The following SMG9 variants were observed in gnomAD, a reference collection of about 807,000 sequenced individuals.
SMG9 encodes the protein SMG9 nonsense mediated mRNA decay factor, also known as nonsense-mediated mRNA decay factor SMG9.
Under a neutral mutation model 64.0 loss-of-function variants are expected in SMG9, and 55 were observed. The observed-to-expected ratio is 0.86, with a 90% CI of 0.69 to 1.08. The LOEUF is 1.08. SMG9 is among the 50% of genes least tolerant of loss of function. SMG9 has a pLI of 0.00. For synonymous variants in SMG9, 244 were observed against 254.8 expected (o/e 0.96, Z 0.41); for missense variants, 554 against 681.3 (o/e 0.81, Z 2.08).
At chr19:43,743,902 C>A (rs1968918509) in intron 6 of SMG9, among the ~76,000 whole-genome samples, 1 of 152,218 alleles carries the variant, frequency 6.6e-6, no homozygotes. Context: ...TACAAAAAAA[C>A]AGATCCCTGT....
chr19:43,733,221 A>C, intron 12 of SMG9, 103 bp downstream of exon 12: 1 of 1,512,836 alleles, frequency 6.6e-7, no homozygotes, highest in Non-Finnish European at 8.9e-7. Context: ...CACTGCTCCC[A>C]AACCAGGGCA....
chr19:43,738,268 G>A (rs1037488381), intron 7 of SMG9, 51 bp from the exon 8 acceptor site: 13 of 1,501,622 alleles, frequency 8.7e-6, no homozygotes, highest in East Asian at 2.3e-5. Flanking sequence ...AGTTTCACAC[G>A]CTCAAGGCAA....
At chr19:43,750,808 T>C (rs1969171752) in intron 1 of SMG9, 61 bp from the exon 2 acceptor site, 1 of 1,475,082 alleles carries the variant, frequency 6.8e-7, no homozygotes, top group South Asian at 1.3e-5. Context: ...ACTTGGCATA[T>C]CCTAGACTAT....
chr19:43,754,010 G>A (rs1969277574), intron 1 of SMG9, among the ~76,000 whole-genome samples: 1 of 151,996 alleles, frequency 6.6e-6, no homozygotes, highest in African/African-American at 2.4e-5. Context: ...ACTTAGGAAA[G>A]CTGGTCTATT....
rs754038358 is a variant in SMG9, at chr19:43,750,762, A to C, written c.-6-15T>G. The C allele has an allele frequency of 7.5e-6, 12 of 1,593,662 alleles. No homozygotes were observed. The highest frequency in any genetic ancestry group is 1.0e-5 in the Non-Finnish European group (12 of 1,168,020). Reference sequence around the variant, plus strand: ...GACATGGTTACCTATGGAGGGAATGAGGGGATTTCAGGATGACAGAGTCTC... The same window carrying C: ...GACATGGTTACCTATGGAGGGAATGCGGGGATTTCAGGATGACAGAGTCTC... On this transcript the variant is annotated splice_polypyrimidine_tract_variant and intron_variant, in intron 1 of 13. Coordinates refer to ENST00000270066, the MANE Select transcript of SMG9 (RefSeq NM_019108.4).
chr19:43,754,310 T>G (rs955722520), intron 1 of SMG9: 2 of 152,074 alleles, frequency 1.3e-5, no homozygotes, highest in Non-Finnish European at 2.9e-5. Flanking sequence ...GAAGGGAGCC[T>G]CCCCCGGATT....
intron 9 of SMG9, among the ~76,000 whole-genome samples, chr19:43,736,263 G>A (rs1005575303): frequency 1.3e-5 from 2 of 152,206 alleles, no homozygotes; most frequent in Non-Finnish European, 2.9e-5. Flanking sequence ...ATGAGGAACT[G>A]AGGAGGAAAC....
intron 6 of SMG9, among the ~76,000 whole-genome samples, chr19:43,742,818 C>T (rs7256472): frequency 0.25 from 38,574 of 151,904 alleles, 5,215 homozygotes; most frequent in African/African-American, 0.35. Flanking sequence ...AGGCCAGGCA[C>T]GGTGGCTCAC....
rs762214846 is a variant in SMG9, at chr19:43,738,206, G to A, written c.825C>T (p.Ser275=). ...TGATGAGATGGTCTAGGATAGAAGG[G>A]CTCAGGATGGGCTGCAGCAAGGAAG... The part of the protein sequence containing the change: ...IVFLDTQPIL[S]PSILDHLINN... The change falls in exon 8 of 14, where the codon AGC becomes AGT. Residue 275 remains serine (S), a synonymous_variant. Transcript: ENST00000270066. 41 of 1,614,026 alleles carry A rather than the reference G, an allele frequency of 2.5e-5. No individual in the cohort carries two copies. Among genetic ancestry groups the A allele is most frequent in the Middle Eastern group, 1.7e-4 (1 of 6,060 alleles).
chr19:43,731,686 C>G lies in SMG9; in HGVS notation c.1485-12G>C. ...CAGCGTAGTGGAACCTGTGAGGAGG[C>G]CAACAGTCAGGGCTGCCTGGCCGGG... On this transcript the variant is annotated splice_polypyrimidine_tract_variant and intron_variant, in intron 13 of 13. Transcript: ENST00000270066. 6.2e-7 allele frequency: 1 copy of G among 1,614,178 alleles called. No individual in the cohort carries two copies. The highest frequency in any genetic ancestry group is 8.5e-7 in the Non-Finnish European group (1 of 1,180,016).
rs1215034435 is a variant in SMG9 at position 43,734,483 on chromosome 19, T to C, written c.1008A>G (p.Thr336=). 6.4e-7 allele frequency: 1 copy of C among 1,557,978 alleles called. No individual in the cohort carries two copies. The highest frequency in any genetic ancestry group is 1.9e-5 in the Admixed American group (1 of 51,708). The change falls in exon 10 of 14, where the codon ACA becomes ACG. Residue 336 remains threonine, a synonymous_variant. Coordinates refer to ENST00000270066, the MANE Select transcript of SMG9 (RefSeq NM_019108.4). ...TDLSLYRFLQ[T]AEMVKPSTPS... is the part of the protein sequence containing the mutation. ...GGGTGGAGGGCTTCACCATCTCTGC[T>C]GTCTGCAGGAACCTTGGGGTTTGGG...
At chr19:43,752,901 C>CCAAAAAAAAAA (rs1555721906) in intron 1 of SMG9, among the ~76,000 whole-genome samples, 1 of 77,812 alleles carries the variant, frequency 1.3e-5, no homozygotes, top group Non-Finnish European at 2.5e-5. Flanking sequence ...AAGACCCTGT[C>CCAAAAAAAAAA]TAAAAAAAAA....
At chr19:43,752,902 T>TAAAAAAAAAAAAAAAAA (rs775445159) in intron 1 of SMG9, among the ~76,000 whole-genome samples, 1 of 96,288 alleles carries the variant, frequency 1.0e-5, no homozygotes, top group African/African-American at 4.7e-5. Flanking sequence ...AGACCCTGTC[T>TAAAAAAAAAAAAAAAAA]AAAAAAAAAA....
rs560285941 is a variant in SMG9, at chr19:43,733,017, C to T, written c.1340-15G>A. ...GGAACCAGGTCCTGGAAAGTTGGGG[C>T]AGGGAGGGTAAGAGGGATAGACTGC... On this transcript the variant is annotated splice_polypyrimidine_tract_variant and intron_variant, in intron 12 of 13. Coordinates refer to ENST00000270066, the MANE Select transcript of SMG9 (RefSeq NM_019108.4). 1 of 1,601,414 alleles carries T rather than the reference C, an allele frequency of 6.2e-7. No individual in the cohort carries two copies. The highest frequency in any genetic ancestry group is 8.5e-7 in the Non-Finnish European group (1 of 1,173,790).
At chr19:43,735,614 C>CAAAA (rs889721095) in intron 9 of SMG9, among the ~76,000 whole-genome samples, 1,041 of 51,382 alleles carry the variant, frequency 0.02, 64 homozygotes, top group Non-Finnish European at 0.025. Context: ...GACTCTGTCT[C>CAAAA]AAAAAAAAAA....
chr19:43,738,562 G>GT (rs926775923), intron 7 of SMG9, among the ~76,000 whole-genome samples: 5 of 150,496 alleles, frequency 3.3e-5, no homozygotes, highest in South Asian at 2.1e-4. Context: ...AATTACTTAG[G>GT]TAAAAAAAAA....
Position 43,730,827 on chromosome 19 carries a change from C to G in SMG9, c.*769G>C, listed in dbSNP as rs1303745961. On this transcript the variant is annotated 3_prime_UTR_variant, in exon 14 of 14. Coordinates refer to ENST00000270066, the MANE Select transcript of SMG9 (RefSeq NM_019108.4). ...AAGTGATCCGCCTGCCTCGGCCTCC[C>G]AAAGTGCTAGGATTATAGACGTGAG... is the stretch of plus-strand genomic sequence containing the variant. The G allele has an allele frequency of 6.6e-6, 1 of 152,428 alleles. No homozygotes were observed. Among genetic ancestry groups the G allele is most frequent in the Non-Finnish European group, 1.5e-5 (1 of 68,238 alleles). The allele number at this position is 152,428 out of a possible 1,614,324, so 9.4% of individuals were successfully genotyped here.
rs1968712939 is a variant in SMG9, at chr19:43,737,632, A to G, written c.960T>C (p.Val320=). ...TGAGGTCTGTGAACCAGTCCTGGAC[A>G]ACAATCACCACATGGCAGACCGTGA... The part of the protein sequence containing the change: ...FLFTVCHVVI[V]VQDWFTDLSL... Residue 320 remains valine, a synonymous_variant, in exon 9 of 14, where the codon GTT becomes GTC. Transcript: ENST00000270066. The G allele has an allele frequency of 6.2e-7, 1 of 1,613,940 alleles. No individual in the cohort carries two copies. Among genetic ancestry groups the G allele is most frequent in the African/African-American group, 1.3e-5 (1 of 74,926 alleles).
chr19:43,746,121 C>G (rs1233856726), intron 5 of SMG9, among the ~76,000 whole-genome samples: 1 of 152,148 alleles, frequency 6.6e-6, no homozygotes, highest in Non-Finnish European at 1.5e-5. Context: ...TGCAGTGAGC[C>G]GAGATGGTGC....
Sources: allele counts gnomAD v4.1 joint callset (sites outside exome capture counted in the v4.1 genomes callset), GRCh38; gene constraint gnomAD v4.1.1; transcripts MANE v1.5; gene names NCBI Gene and HGNC (gene_info 2026-07-23, HGNC 2026-07-21).